The following TCF4 variants were observed in gnomAD, a reference collection of about 807,000 sequenced individuals.
TCF4 encodes transcription factor 4.
TCF4 carries 3 observed loss-of-function variants against 82.1 expected under a neutral mutation model. The ratio of observed to expected loss-of-function variants is 0.04; its 90% CI spans 0.02 to 0.09. TCF4 has a LOEUF of 0.09. Among genes scored for constraint, TCF4 ranks in the 10% least tolerant of loss-of-function variants. The pLI is 1.00. For missense variants in TCF4, 518 were observed against 852.7 expected (o/e 0.61, Z 4.89); for synonymous variants, 276 against 309.6 (o/e 0.89, Z 1.14).
chr18:55,269,656 G>A, intron 11 of TCF4, 175 bp downstream of exon 11: 1 of 861,070 alleles, frequency 1.2e-6, no homozygotes, highest in Non-Finnish European at 1.8e-6. Context: ...GAAAAATATG[G>A]TTATGCTCAA....
At chr18:55,266,286 C>G (rs982765420) in intron 11 of TCF4, 3 of 152,164 alleles carry the variant, frequency 2.0e-5, no homozygotes, top group African/African-American at 7.2e-5. Context: ...ACTACACTTC[C>G]TCCTCCGTAT....
Position 55,232,595 on chromosome 18 carries a change from C to T in TCF4, c.1563G>A (p.Glu521=). The change falls in exon 17 of 20, where the codon GAG becomes GAA. Residue 521 remains glutamate (E), a synonymous_variant. Transcript: ENST00000354452. ...SEIKSDDEGD[E]NLQDTKSSED... is the part of the protein sequence containing the mutation. Reference sequence around the variant, plus strand: ...CCGAAGATTTCGTGTCTTGCAGGTTCTCATCACCCTCGTCATCGGATTTGA... The same window carrying T: ...CCGAAGATTTCGTGTCTTGCAGGTTTTCATCACCCTCGTCATCGGATTTGA... The T allele has an allele frequency of 6.2e-7, 1 of 1,614,184 alleles. No homozygotes were observed. The highest frequency in any genetic ancestry group is 1.1e-5 in the South Asian group (1 of 91,088).
chr18:55,452,578 C>T (rs1391857703), intron 5 of TCF4: 1 of 152,472 alleles, frequency 6.6e-6, no homozygotes, highest in Non-Finnish European at 1.5e-5. Context: ...CTGCCAAAGA[C>T]CACCCAGGGG....
At chr18:55,579,111 CTT>C (rs1482680755) in intron 3 of TCF4, among the ~76,000 whole-genome samples, 4 of 150,484 alleles carry the variant, frequency 2.7e-5, no homozygotes, top group Non-Finnish European at 5.9e-5. Flanking sequence ...CTATATATAA[CTT>C]ATAACAAAGT....
Position 55,401,131 on chromosome 18 carries a change from G to A in TCF4, c.369+2323C>T, listed in dbSNP as rs866695149. 6 of 1,287,172 alleles carry A rather than the reference G, an allele frequency of 4.7e-6. No homozygotes were observed. The Middle Eastern group carries it at 6.4e-4, about 137-fold the overall frequency. 79.7% of individuals were successfully genotyped at this position (1,287,172 alleles called of 1,614,324 possible). A position where few individuals can be genotyped will look rare whatever the true frequency, so the allele number is the denominator to read the frequency against. On this transcript the variant is annotated intron_variant, in intron 6 of 19. Transcript: ENST00000354452. The stretch of plus-strand genomic sequence containing the variant: ...TAGACAGGGATTCAAATAACAATAC[G>A]GCACAAGAGAAACTGATTCACTGGA...
chr18:55,254,547 C>T lies in TCF4; in HGVS notation c.1300G>A (p.Gly434Ser). ...PSHNGAMGGL[G>S]SGYGTGLLSA... ...AGAAGGCCGGTTCCATACCCTGAGC[C>T]CAGACCACCCATGGCTCCATTATGA... Residue 434 changes from glycine (G) to serine (S), a missense_variant, in exon 15 of 20, where the codon GGC becomes AGC. Coordinates refer to ENST00000354452, the MANE Select transcript of TCF4 (RefSeq NM_001083962.2). The T allele has an allele frequency of 1.2e-6, 2 of 1,613,732 alleles. No homozygotes were observed. Among genetic ancestry groups the T allele is most frequent in the Non-Finnish European group, 1.7e-6 (2 of 1,179,844 alleles).
intron 8 of TCF4, among the ~76,000 whole-genome samples, chr18:55,310,768 A>G (rs1461982875): frequency 1.3e-5 from 2 of 152,224 alleles, no homozygotes; most frequent in Admixed American, 6.5e-5. Flanking sequence ...CCGTAATGCC[A>G]AAAAACTTAA....
chr18:55,569,448 G>C (rs2097440761), intron 3 of TCF4, among the ~76,000 whole-genome samples: 1 of 152,074 alleles, frequency 6.6e-6, no homozygotes, highest in South Asian at 2.1e-4. Flanking sequence ...GGGAGGCTGA[G>C]GCAAGAGAAT....
intron 3 of TCF4, among the ~76,000 whole-genome samples, chr18:55,464,800 T>TTA (rs2095972405): frequency 6.6e-6 from 1 of 152,198 alleles, no homozygotes; most frequent in Admixed American, 6.5e-5. Flanking sequence ...ATGAATGTGG[T>TTA]TATTCCATTA....
At chr18:55,349,414 T>G (rs1407606566) in intron 8 of TCF4, among the ~76,000 whole-genome samples, 1 of 152,144 alleles carries the variant, frequency 6.6e-6, no homozygotes. Flanking sequence ...ATGCAAGCAT[T>G]GATTGGTAAT....
intron 8 of TCF4, among the ~76,000 whole-genome samples, chr18:55,348,544 G>A (rs188667952): frequency 5.8e-4 from 88 of 152,158 alleles, no homozygotes; most frequent in South Asian, 2.1e-4. Context: ...AATGTATCAC[G>A]ACATAGCAGC....
intron 6 of TCF4, among the ~76,000 whole-genome samples, chr18:55,386,843 T>C (rs1275773176): frequency 6.6e-6 from 1 of 152,192 alleles, no homozygotes; most frequent in African/African-American, 2.4e-5. Context: ...CCACTGTTCC[T>C]GAGCATTTCT....
chr18:55,604,957 A>G (rs759313230), intron 2 of TCF4, among the ~76,000 whole-genome samples: 1 of 152,378 alleles, frequency 6.6e-6, no homozygotes, highest in East Asian at 1.9e-4. Flanking sequence ...TTGAAATTCC[A>G]GCCCTTTTCC....
At chr18:55,416,987 A>C (rs533213479) in intron 5 of TCF4, among the ~76,000 whole-genome samples, 24 of 152,314 alleles carry the variant, frequency 1.6e-4, no homozygotes, top group Admixed American at 1.5e-3. Flanking sequence ...CAAAGCAAAA[A>C]TCTGCTTCCA....
chr18:55,527,502 C>A (rs1205913172), intron 3 of TCF4, among the ~76,000 whole-genome samples: 2 of 152,176 alleles, frequency 1.3e-5, no homozygotes, highest in Non-Finnish European at 2.9e-5. Context: ...GGCCTTGTAA[C>A]TACCATAGAT....
intron 3 of TCF4, among the ~76,000 whole-genome samples, chr18:55,563,789 T>C (rs1202756002): frequency 1.3e-5 from 2 of 152,346 alleles, no homozygotes; most frequent in South Asian, 4.1e-4. Context: ...TGGGCCAATA[T>C]TTTATCCAGC....
At chr18:55,242,614 T>C (rs2051625096) in intron 15 of TCF4, among the ~76,000 whole-genome samples, 1 of 151,918 alleles carries the variant, frequency 6.6e-6, no homozygotes, top group Admixed American at 6.6e-5. Context: ...GCACTGATTT[T>C]TTTTTTTTTT....
intron 6 of TCF4, among the ~76,000 whole-genome samples, chr18:55,388,024 G>A: frequency 6.6e-6 from 1 of 152,190 alleles, no homozygotes; most frequent in Non-Finnish European, 1.5e-5. Flanking sequence ...CTACAAAGCG[G>A]CACTGGATGC....
intron 6 of TCF4, among the ~76,000 whole-genome samples, chr18:55,387,482 A>G (rs975955628): frequency 6.6e-6 from 1 of 152,258 alleles, no homozygotes; most frequent in African/African-American, 2.4e-5. Flanking sequence ...CTAGAGGCTC[A>G]GACATATTAA....
Sources: gnomAD v4.1 joint callset for allele counts (sites outside exome capture counted in the v4.1 genomes callset) on GRCh38, gnomAD v4.1.1 for gene constraint, MANE v1.5 for transcripts, NCBI Gene and HGNC (gene_info 2026-07-23, HGNC 2026-07-21) for gene names.